ABCB7: variants seen among roughly 807,000 people sequenced by gnomAD.
ABCB7 encodes the protein iron-sulfur clusters transporter ABCB7, mitochondrial.
ABCB7 carries 7 observed loss-of-function variants against 54.4 expected under a neutral mutation model. That is an observed-to-expected ratio of 0.13 (90% CI 0.07 to 0.24). The LOEUF is 0.24. ABCB7 is among the 10% of genes least tolerant of loss of function. The pLI is 1.00. For synonymous variants in ABCB7, 218 were observed against 207.1 expected, an observed-to-expected ratio of 1.05 and a Z score of -0.45; for missense variants, 356 against 570.4, an observed-to-expected ratio of 0.62 and a Z score of 3.83.
chrX:75,148,550 T>C lies in ABCB7; in HGVS notation c.168+7555A>G, dbSNP rs769225044. ...TATATGTTGAAGTCCTAACCTCTAA[T>C]ACTTCAGAATGTGACTATATTTGGA... On this transcript the variant is annotated intron_variant, in intron 1 of 15. Coordinates refer to ENST00000373394, the MANE Select transcript of ABCB7 (RefSeq NM_001271696.3). Among the ~76,000 whole-genome samples, 3 of 111,195 alleles carry C rather than the reference T, an allele frequency of 2.7e-5. No individual in the cohort carries two copies. The South Asian group carries it at 1.2e-3, about 43-fold the overall frequency.
chrX:75,115,266 CAAAAAAA>C (rs1160024642), intron 1 of ABCB7, among the ~76,000 whole-genome samples: 4 of 13,249 alleles, frequency 3.0e-4, no homozygotes, highest in Non-Finnish European at 4.6e-4. Flanking sequence ...GACTCTGTCT[CAAAAAAA>C]AAAAAAAAAA....
chrX:75,103,808 A>G (rs1227656288), intron 3 of ABCB7, among the ~76,000 whole-genome samples: 1 of 109,816 alleles, frequency 9.1e-6, no homozygotes, highest in African/African-American at 3.3e-5. Context: ...TGATTTTTGT[A>G]TGTTGATTTT....
rs144548601 is a variant in ABCB7 at position 75,071,892 on chromosome X, G to C, written c.1033-209C>G. Reference sequence around the variant, plus strand: ...GAAAAGTCCACAAAATTCACCCAACGAATATTTACTGAATGCTTATCTAAT... The same window carrying C: ...GAAAAGTCCACAAAATTCACCCAACCAATATTTACTGAATGCTTATCTAAT... On this transcript the variant is annotated intron_variant, in intron 8 of 15. Coordinates refer to ENST00000373394, the MANE Select transcript of ABCB7 (RefSeq NM_001271696.3). Among the ~76,000 whole-genome samples, 1,217 of 110,909 alleles carry C rather than the reference G, an allele frequency of 0.011. 7 individuals are homozygous for C. The highest frequency in any genetic ancestry group is 0.032 in the Middle Eastern group (7 of 216).
At chrX:75,081,554 T>C (rs1296046243) in intron 4 of ABCB7, among the ~76,000 whole-genome samples, 1 of 112,220 alleles carries the variant, frequency 8.9e-6, no homozygotes, top group Non-Finnish European at 1.9e-5. Flanking sequence ...CATTCTGCAT[T>C]TTCTGCAATT....
chrX:75,057,747 T>A (rs1156686553), intron 15 of ABCB7, among the ~76,000 whole-genome samples: 1 of 107,969 alleles, frequency 9.3e-6, no homozygotes, highest in Admixed American at 1.0e-4. Context: ...TTGTTGGGGT[T>A]CTCAAATACA....
At chrX:75,084,186 A>G (rs1212822178) in intron 4 of ABCB7, among the ~76,000 whole-genome samples, 1 of 111,833 alleles carries the variant, frequency 8.9e-6, no homozygotes, top group Non-Finnish European at 1.9e-5. Context: ...GAGGGAGCAC[A>G]GCCATGCCAA....
At chrX:75,097,566 T>A (rs2081602058) in intron 4 of ABCB7, 1 of 111,686 alleles carries the variant, frequency 9.0e-6, no homozygotes, top group African/African-American at 3.3e-5. Flanking sequence ...GTAGTGTGTA[T>A]AAGTTCTCAA....
chrX:75,140,027 T>C (rs774229219), intron 1 of ABCB7, among the ~76,000 whole-genome samples: 1 of 111,356 alleles, frequency 9.0e-6, no homozygotes, highest in Non-Finnish European at 1.9e-5. Context: ...AAAATTTAAA[T>C]GGAGAAAAAT....
At chrX:75,155,983 T>C (rs2082172334) in intron 1 of ABCB7, 122 bp downstream of exon 1, 3 of 801,685 alleles carry the variant, frequency 3.7e-6, no homozygotes, top group African/African-American at 2.1e-5. Flanking sequence ...CACTTACTGC[T>C]GCTCCCAGTT....
chrX:75,142,814 T>C (rs1463501146), intron 1 of ABCB7, among the ~76,000 whole-genome samples: 2 of 112,384 alleles, frequency 1.8e-5, no homozygotes, highest in African/African-American at 3.2e-5. Flanking sequence ...AAACTGTGAA[T>C]TCCTGGAGGG....
chrX:75,094,569 C>T (rs963616567), intron 4 of ABCB7, among the ~76,000 whole-genome samples: 5 of 110,554 alleles, frequency 4.5e-5, no homozygotes, highest in South Asian at 3.9e-4. Flanking sequence ...AAAAATTAGA[C>T]GGGCATGGTG....
At chrX:75,082,068 C>T (rs746231192) in intron 4 of ABCB7, among the ~76,000 whole-genome samples, 2 of 110,896 alleles carry the variant, frequency 1.8e-5, no homozygotes, top group Admixed American at 1.9e-4. Context: ...TTCCCAAATT[C>T]GGCAAAAGAC....
Position 75,096,038 on chromosome X carries a change from A to T in ABCB7, c.453+2904T>A, listed in dbSNP as rs2081587794. ...TGTTCTAACCTGTTCTCTTCAATTA[A>T]AAAGAAAGTCTAGAAAACAATCTGC... is the stretch of plus-strand genomic sequence containing the variant. On this transcript the variant is annotated intron_variant, in intron 4 of 15. Transcript: ENST00000373394. 3.6e-5 allele frequency among the ~76,000 whole-genome samples: 4 copies of T among 112,082 alleles called. No individual in the cohort carries two copies. In the Admixed American group the frequency reaches 3.8e-4, roughly 11 times the overall value.
chrX:75,086,768 C>G (rs1455055998), intron 4 of ABCB7, among the ~76,000 whole-genome samples: 3 of 111,677 alleles, frequency 2.7e-5, no homozygotes, highest in Non-Finnish European at 5.6e-5. Flanking sequence ...TTTCCAAGCA[C>G]TGGTCACGAG....
chrX:75,138,675 TAG>T (rs1306882772), intron 1 of ABCB7, among the ~76,000 whole-genome samples: 3 of 111,566 alleles, frequency 2.7e-5, no homozygotes, highest in Admixed American at 9.5e-5. Flanking sequence ...TTAAAAAATA[TAG>T]ACTCTTGAAC....
chrX:75,130,054 C>T (rs2081964116), intron 1 of ABCB7, among the ~76,000 whole-genome samples: 1 of 111,332 alleles, frequency 9.0e-6, no homozygotes, highest in Non-Finnish European at 1.9e-5. Context: ...ATGGAGATAA[C>T]CCATTCCTAA....
intron 1 of ABCB7, among the ~76,000 whole-genome samples, chrX:75,121,284 G>C (rs2081876300): frequency 1.1e-5 from 1 of 91,163 alleles, no homozygotes; most frequent in South Asian, 5.6e-4. Flanking sequence ...GCGAGACTCT[G>C]TCTCAAAAAA....
chrX:75,103,126 T>C (rs1370289615), intron 3 of ABCB7, among the ~76,000 whole-genome samples: 1 of 111,868 alleles, frequency 8.9e-6, no homozygotes, highest in Non-Finnish European at 1.9e-5. Flanking sequence ...AAGCTTAATA[T>C]AGTCCCAGCT....
chrX:75,111,053 G>T (rs1569235736), intron 3 of ABCB7, among the ~76,000 whole-genome samples: 1 of 110,475 alleles, frequency 9.1e-6, no homozygotes, highest in African/African-American at 3.3e-5. Context: ...GGGCCCAGGA[G>T]TTCGAGAGCA....
Sources: allele counts gnomAD v4.1 joint callset (sites outside exome capture counted in the v4.1 genomes callset), GRCh38; gene constraint gnomAD v4.1.1; transcripts MANE v1.5; gene names NCBI Gene and HGNC (gene_info 2026-07-23, HGNC 2026-07-21).